The following C1orf146 variants were observed in gnomAD, a reference collection of about 807,000 sequenced individuals.
C1orf146 encodes protein SPO16 homolog.
A neutral mutation model predicts 23.0 loss-of-function variants in C1orf146; 22 were observed. The ratio of observed to expected loss-of-function variants is 0.96; its 90% confidence interval spans 0.68 to 1.36. The LOEUF (loss-of-function observed/expected upper bound fraction) is 1.36, where lower values mean the gene tolerates loss of function less well. C1orf146 is among the 40% of genes most tolerant of loss of function. The pLI is 0.00. For synonymous variants in C1orf146, 59 were observed against 65.3 expected, an observed-to-expected ratio of 0.90 and a Z score of 0.47; for missense variants, 199 against 206.8, an observed-to-expected ratio of 0.96 and a Z score of 0.23.
chr1:92,238,093 T>C (rs1652340655), intron 2 of C1orf146, among the ~76,000 whole-genome samples: 1 of 151,990 alleles, frequency 6.6e-6, no homozygotes, highest in Non-Finnish European at 1.5e-5. Context: ...CCACGCCGGC[T>C]AATTTTTGTA....
At position 92,245,673 on chromosome 1, in the gene C1orf146, A is replaced by G. The variant is rs767859999; in HGVS notation, c.542A>G (p.Ter181TrpextTer20). 3 of 1,558,968 alleles carry G rather than the reference A, an allele frequency of 1.9e-6. No individual in the cohort carries two copies. The South Asian group carries it at 3.7e-5, about 19-fold the overall frequency. ...KLNSDSVNPN[*>W] ...AATAGTGATTCAGTTAACCCAAATT[A>G]GAGTACCAACTTAATGTTTTTCTCG... The change falls in exon 6 of 6, where the codon TAG (stop) becomes TGG (tryptophan). Residue 181 changes from the stop codon to tryptophan (W), a stop_lost. Coordinates refer to ENST00000370375, the MANE Select transcript of C1orf146 (RefSeq NM_001012425.2).
chr1:92,240,849 A>C, intron 2 of C1orf146: 1 of 448,196 alleles, frequency 2.2e-6, no homozygotes, highest in Middle Eastern at 3.4e-4. Context: ...CCTATCAGGA[A>C]AAACTATTAA....
At chr1:92,238,199 T>TG (rs1437285988) in intron 2 of C1orf146, among the ~76,000 whole-genome samples, 1 of 152,182 alleles carries the variant, frequency 6.6e-6, no homozygotes, top group East Asian at 1.9e-4. Context: ...CTTCCAAAAG[T>TG]GCTGGGATTA....
At chr1:92,222,448 TACA>T (rs1256410749) in intron 1 of C1orf146, among the ~76,000 whole-genome samples, 4 of 151,278 alleles carry the variant, frequency 2.6e-5, no homozygotes, top group Non-Finnish European at 5.9e-5. Context: ...AAACAATTAC[TACA>T]ATCAATATAG....
At chr1:92,238,693 A>G (rs1557490835) in intron 2 of C1orf146, among the ~76,000 whole-genome samples, 3 of 152,070 alleles carry the variant, frequency 2.0e-5, no homozygotes, top group African/African-American at 7.2e-5. Flanking sequence ...CATTAGCATG[A>G]TATTTATGGG....
At chr1:92,229,343 G>T (rs1429182969) in intron 1 of C1orf146, 3 of 546,702 alleles carry the variant, frequency 5.5e-6, no homozygotes, top group Non-Finnish European at 1.1e-5. Context: ...CCATGCCCAG[G>T]AAGGAAGACT....
intron 2 of C1orf146, among the ~76,000 whole-genome samples, chr1:92,239,136 A>G (rs1055511390): frequency 1.3e-5 from 2 of 152,162 alleles, no homozygotes; most frequent in African/African-American, 4.8e-5. Flanking sequence ...TTCTTTGCCA[A>G]AATTCTCAAG....
intron 3 of C1orf146, 42 bp from the exon 4 acceptor site, chr1:92,244,175 C>CT: frequency 7.1e-7 from 1 of 1,409,040 alleles, no homozygotes; most frequent in East Asian, 2.3e-5. Context: ...AATTTCATCT[C>CT]TATAACAAAG....
chr1:92,237,177 G>T (rs1318547797), intron 2 of C1orf146, among the ~76,000 whole-genome samples: 1 of 152,174 alleles, frequency 6.6e-6, no homozygotes, highest in African/African-American at 2.4e-5. Context: ...AGGAGGAGAG[G>T]TGCTCTGCTT....
chr1:92,244,433 T>G (rs369724113), intron 4 of C1orf146, 48 bp downstream of exon 4: 39 of 1,390,712 alleles, frequency 2.8e-5, no homozygotes, highest in Non-Finnish European at 3.8e-5. Flanking sequence ...ATTGTATTTA[T>G]TTCAGTTCTT....
Position 92,245,431 on chromosome 1 carries a change from G to A in C1orf146, c.409-109G>A, listed in dbSNP as rs1486394374. 23 of 823,710 alleles carry A rather than the reference G, an allele frequency of 2.8e-5. No individual in the cohort carries two copies. The Admixed American group carries it at 6.7e-4, about 24-fold the overall frequency. 51.0% of individuals were successfully genotyped at this position (823,710 alleles called of 1,614,324 possible). A position where few individuals can be genotyped will look rare whatever the true frequency, so the allele number is the denominator to read the frequency against. ...ACTCATACATAGTATTTAGCACAAA[G>A]ATGATCAAGAGATTTGCTGAAAGAA... On this transcript the variant is annotated intron_variant, in intron 5 of 5. Transcript: ENST00000370375.
At chr1:92,228,931 A>T in intron 1 of C1orf146, 1 of 418,078 alleles carries the variant, frequency 2.4e-6, no homozygotes, top group Non-Finnish European at 4.7e-6. Flanking sequence ...GGCTAGCATG[A>T]GATGTATGCA....
At chr1:92,220,511 A>T (rs548424241) in intron 1 of C1orf146, among the ~76,000 whole-genome samples, 1 of 152,318 alleles carries the variant, frequency 6.6e-6, no homozygotes, top group South Asian at 2.1e-4. Context: ...GGCTACAAAT[A>T]TGTATAGTAT....
rs1652600881 is a variant in C1orf146, at chr1:92,245,647, G to C, written c.516G>C (p.Leu172=). 3.8e-6 allele frequency: 6 copies of C among 1,588,796 alleles called. No homozygotes were observed. Among genetic ancestry groups the C allele is most frequent in the South Asian group, 1.2e-5 (1 of 85,772 alleles). Residue 172 remains leucine (L), a synonymous_variant, in exon 6 of 6, where the codon CTG becomes CTC. Coordinates refer to ENST00000370375, the MANE Select transcript of C1orf146 (RefSeq NM_001012425.2). ...GGAAAACACTTCAGAAGATAAAACTGAATAGTGATTCAGTTAACCCAAATT... is the reference window on the plus strand; with the variant it reads ...GGAAAACACTTCAGAAGATAAAACTCAATAGTGATTCAGTTAACCCAAATT... ...PVWKTLQKIK[L]NSDSVNPN is the part of the protein sequence containing the mutation.
intron 2 of C1orf146, among the ~76,000 whole-genome samples, chr1:92,238,398 C>G (rs151327237): frequency 4.4e-4 from 67 of 152,198 alleles, no homozygotes; most frequent in African/African-American, 1.5e-3. Context: ...TTAATATGCT[C>G]AAATGCATTG....
At chr1:92,243,239 A>G (rs1385311723) in intron 3 of C1orf146, among the ~76,000 whole-genome samples, 1 of 152,046 alleles carries the variant, frequency 6.6e-6, no homozygotes, top group South Asian at 2.1e-4. Flanking sequence ...TGTCTCCCAC[A>G]TCGTTTGAAG....
chr1:92,223,828 C>T (rs924835216), intron 1 of C1orf146, among the ~76,000 whole-genome samples: 12 of 150,366 alleles, frequency 8.0e-5, no homozygotes, highest in African/African-American at 2.2e-4. Flanking sequence ...GCCACCATGC[C>T]GAGCCCAAGC....
chr1:92,230,429 A>T (rs1652090822), intron 1 of C1orf146, among the ~76,000 whole-genome samples: 1 of 151,882 alleles, frequency 6.6e-6, no homozygotes, highest in Non-Finnish European at 1.5e-5. Flanking sequence ...TGGCTAACAC[A>T]GTGAAACCCC....
At chr1:92,230,063 CATT>C (rs374397653) in intron 1 of C1orf146, among the ~76,000 whole-genome samples, 1 of 113,170 alleles carries the variant, frequency 8.8e-6, no homozygotes, top group African/African-American at 3.2e-5. Context: ...CTGTATGGTG[CATT>C]GTTGTTGTTG....
Sources: allele counts gnomAD v4.1 joint callset (sites outside exome capture counted in the v4.1 genomes callset), GRCh38; gene constraint gnomAD v4.1.1; transcripts MANE v1.5; gene names NCBI Gene and HGNC (gene_info 2026-07-23, HGNC 2026-07-21).